The following ARHGAP12 variants were observed in gnomAD, a reference collection of about 807,000 sequenced individuals.
The protein encoded by ARHGAP12 is rho GTPase-activating protein 12.
Under a neutral mutation model 108.6 loss-of-function variants are expected in ARHGAP12, and 64 were observed. The ratio of observed to expected loss-of-function variants is 0.59; its 90% CI spans 0.48 to 0.73. The LOEUF (loss-of-function observed/expected upper bound fraction) is 0.73. Ranked by LOEUF, ARHGAP12 falls within the 30% of genes least tolerant of loss-of-function variation. The pLI, the probability that ARHGAP12 is intolerant of heterozygous loss-of-function variation, is 0.00. For synonymous variants in ARHGAP12, 312 were observed against 337.2 expected (o/e 0.93, Z 0.82); for missense variants, 940 against 1,005.9 (o/e 0.93, Z 0.89).
intron 3 of ARHGAP12, among the ~76,000 whole-genome samples, chr10:31,882,896 C>T (rs1838035152): frequency 6.6e-6 from 1 of 151,066 alleles, no homozygotes; most frequent in African/African-American, 2.4e-5. Context: ...TAGTAAGTGG[C>T]AAATGTAAAA....
intron 1 of ARHGAP12, among the ~76,000 whole-genome samples, chr10:31,922,051 T>C: frequency 6.7e-6 from 1 of 149,430 alleles, no homozygotes; most frequent in Non-Finnish European, 1.5e-5. Context: ...ATTAGCCGGG[T>C]GTGGTTGGCA....
At chr10:31,926,135 T>C (rs1405673038) in intron 1 of ARHGAP12, among the ~76,000 whole-genome samples, 1 of 152,124 alleles carries the variant, frequency 6.6e-6, no homozygotes, top group Non-Finnish European at 1.5e-5. Context: ...CACGTTAAAA[T>C]TTGAGAAGCA....
intron 3 of ARHGAP12, among the ~76,000 whole-genome samples, chr10:31,870,760 T>C (rs1489980195): frequency 6.6e-6 from 1 of 152,168 alleles, no homozygotes; most frequent in Non-Finnish European, 1.5e-5. Flanking sequence ...AGCCAAATTT[T>C]AGGGGGAAAA....
chr10:31,828,889 C>T (rs555405318), intron 10 of ARHGAP12, among the ~76,000 whole-genome samples: 5 of 152,292 alleles, frequency 3.3e-5, no homozygotes, highest in South Asian at 2.1e-4. Flanking sequence ...TGGTAGCTCA[C>T]GCCTGCAATC....
rs921641259 is a variant in ARHGAP12, at chr10:31,811,528, A to G, written c.1952-781T>C. ...AACAAATTAGCAACAGTTTCTATTC[A>G]CTTATTTGCCAGGCTTTTTTTTTTT... On this transcript the variant is annotated intron_variant, in intron 15 of 19. Coordinates refer to ENST00000344936, the MANE Select transcript of ARHGAP12 (RefSeq NM_018287.7). Among the ~76,000 whole-genome samples the G allele has an allele frequency of 3.5e-5, 5 of 144,104 alleles. No homozygotes were observed. In the Admixed American group the frequency reaches 3.6e-4, roughly 10 times the overall value. 94.5% of individuals were successfully genotyped at this position (144,104 alleles called of 152,430 possible).
intron 3 of ARHGAP12, among the ~76,000 whole-genome samples, chr10:31,894,055 T>A (rs1374116976): frequency 6.6e-6 from 1 of 152,200 alleles, no homozygotes; most frequent in Non-Finnish European, 1.5e-5. Flanking sequence ...CAGCCCTTCA[T>A]GCTAAAAACT....
At position 31,812,709 on chromosome 10, in the gene ARHGAP12, T is replaced by G; in HGVS notation, c.1949A>C (p.Lys650Thr). The change falls in exon 15 of 20, where the codon AAA (lysine) becomes ACA (threonine). Residue 650 changes from lysine (K) to threonine (T), a missense_variant and splice_region_variant. Lys to Thr is a moderately conservative substitution (Grantham distance 78, BLOSUM62 -1). Coordinates refer to ENST00000344936, the MANE Select transcript of ARHGAP12 (RefSeq NM_018287.7). ...TCAACAATACTTCTCCTACCAACCT[T>G]TAATATAACCTTTTTCACGAACAGC... ...LQAVREKGYI[K>T]DQVFGSNLAN... 1 of 1,587,106 alleles carries G rather than the reference T, an allele frequency of 6.3e-7. No homozygotes were observed.
At chr10:31,851,894 T>C (rs1019651634) in intron 6 of ARHGAP12, among the ~76,000 whole-genome samples, 5 of 152,218 alleles carry the variant, frequency 3.3e-5, no homozygotes, top group Admixed American at 1.3e-4. Flanking sequence ...AACATTAAAA[T>C]AATGCACCAA....
At chr10:31,822,960 G>GT (rs1393033036) in intron 11 of ARHGAP12, among the ~76,000 whole-genome samples, 2 of 152,084 alleles carry the variant, frequency 1.3e-5, no homozygotes, top group Non-Finnish European at 2.9e-5. Context: ...GCCCAAAAGA[G>GT]TGACTATTTT....
chr10:31,883,568 C>T (rs1245483083), intron 3 of ARHGAP12, among the ~76,000 whole-genome samples: 1 of 152,170 alleles, frequency 6.6e-6, no homozygotes, highest in Non-Finnish European at 1.5e-5. Context: ...TACAGGAAAT[C>T]TTTCCTTCCT....
intron 4 of ARHGAP12, among the ~76,000 whole-genome samples, chr10:31,859,003 A>G (rs1837006752): frequency 6.6e-6 from 1 of 152,176 alleles, no homozygotes; most frequent in Admixed American, 6.5e-5. Context: ...GAGTGAAAGC[A>G]GTGGTACTAA....
At chr10:31,850,568 C>A (rs1363514360) in intron 6 of ARHGAP12, among the ~76,000 whole-genome samples, 1 of 152,146 alleles carries the variant, frequency 6.6e-6, no homozygotes, top group Non-Finnish European at 1.5e-5. Flanking sequence ...TATTCTATTA[C>A]TTCTTCACAG....
chr10:31,856,141 A>C (rs1836877968), intron 4 of ARHGAP12, among the ~76,000 whole-genome samples: 1 of 152,162 alleles, frequency 6.6e-6, no homozygotes, highest in Admixed American at 6.5e-5. Context: ...CCAATTGATC[A>C]TCTTAACAGA....
chr10:31,821,254 G>A (rs891181842), intron 11 of ARHGAP12, among the ~76,000 whole-genome samples: 6 of 152,052 alleles, frequency 3.9e-5, no homozygotes, highest in African/African-American at 1.2e-4. Context: ...CAGTTGTTAC[G>A]GGTGGGTTCA....
chr10:31,820,853 C>T (rs1419506486), intron 11 of ARHGAP12, among the ~76,000 whole-genome samples: 1 of 151,636 alleles, frequency 6.6e-6, no homozygotes, highest in Non-Finnish European at 1.5e-5. Context: ...TAAACTGGAA[C>T]TACTCCTAGA....
chr10:31,877,949 TGAC>T (rs1055046342), intron 3 of ARHGAP12, among the ~76,000 whole-genome samples: 28 of 152,226 alleles, frequency 1.8e-4, no homozygotes, highest in African/African-American at 6.5e-4. Flanking sequence ...CTGGGTGTGG[TGAC>T]ACATGCCTGT....
At chr10:31,886,135 G>A (rs868039806) in intron 3 of ARHGAP12, among the ~76,000 whole-genome samples, 33 of 152,304 alleles carry the variant, frequency 2.2e-4, no homozygotes, top group African/African-American at 7.2e-4. Context: ...GATATTCTAT[G>A]CACAGAGATG....
At chr10:31,816,803 T>C (rs1194064693) in intron 13 of ARHGAP12, among the ~76,000 whole-genome samples, 2 of 152,082 alleles carry the variant, frequency 1.3e-5, no homozygotes, top group African/African-American at 4.8e-5. Flanking sequence ...GGTATTAAGA[T>C]ATAAAGGCCT....
rs530580752 is a variant in ARHGAP12, at chr10:31,865,468, G to A, written c.685-3810C>T. 8.1e-4 allele frequency among the ~76,000 whole-genome samples: 124 copies of A among 152,150 alleles called. 2 individuals carry two copies. Among genetic ancestry groups the A allele is most frequent in the South Asian group, 3.5e-3 (17 of 4,824 alleles). ...TGAAGAAAAGAATGGAAAGAGAAGG[G>A]CAAACAGGAGTTACATTTAGATTGC... On this transcript the variant is annotated intron_variant, in intron 3 of 19. Transcript: ENST00000344936.
Sources: gnomAD v4.1 joint callset for allele counts (sites outside exome capture counted in the v4.1 genomes callset) on GRCh38, gnomAD v4.1.1 for gene constraint, MANE v1.5 for transcripts, NCBI Gene and HGNC (gene_info 2026-07-23, HGNC 2026-07-21) for gene names.